Variants in GPR137C observed in about 807,000 individuals in gnomAD.
GPR137C encodes the protein G protein-coupled receptor 137C, also known as integral membrane protein GPR137C.
A neutral mutation model predicts 43.4 loss-of-function variants in GPR137C; 27 were observed. The observed-to-expected ratio is 0.62, with a 90% CI of 0.46 to 0.86. The LOEUF (loss-of-function observed/expected upper bound fraction) is 0.86. Among genes scored for constraint, GPR137C ranks in the 40% least tolerant of loss-of-function variants. The pLI is 0.00. For synonymous variants in GPR137C, 285 were observed against 226.9 expected (o/e 1.26, Z -2.30); for missense variants, 522 against 534.6 (o/e 0.98, Z 0.23).
intron 3 of GPR137C, among the ~76,000 whole-genome samples, chr14:52,604,195 T>A (rs2038958488): frequency 6.6e-6 from 1 of 152,194 alleles, no homozygotes; most frequent in African/African-American, 2.4e-5. Context: ...AAATATTTAC[T>A]CCCATTCTAT....
intron 1 of GPR137C, among the ~76,000 whole-genome samples, chr14:52,591,716 T>C (rs1271053314): frequency 6.6e-6 from 1 of 152,236 alleles, no homozygotes; most frequent in East Asian, 1.9e-4. Flanking sequence ...TTGTAGATTC[T>C]GGATATTAGC....
chr14:52,620,686 A>G (rs1484704526), intron 3 of GPR137C, among the ~76,000 whole-genome samples: 2 of 151,976 alleles, frequency 1.3e-5, no homozygotes, highest in Non-Finnish European at 2.9e-5. Flanking sequence ...GAAGGAAAAT[A>G]CACTTGGATA....
intron 3 of GPR137C, among the ~76,000 whole-genome samples, chr14:52,603,029 A>G (rs1158555038): frequency 6.6e-6 from 1 of 152,182 alleles, no homozygotes; most frequent in African/African-American, 2.4e-5. Context: ...TCCATAATGT[A>G]CTATCAAATA....
chr14:52,593,255 A>T (rs2038807013), intron 1 of GPR137C, among the ~76,000 whole-genome samples: 1 of 151,846 alleles, frequency 6.6e-6, no homozygotes, highest in Non-Finnish European at 1.5e-5. Context: ...GAGTATTTTC[A>T]CATCTATGTT....
chr14:52,594,337 G>A (rs1594795203), intron 1 of GPR137C, among the ~76,000 whole-genome samples: 2 of 152,264 alleles, frequency 1.3e-5, no homozygotes, highest in African/African-American at 4.8e-5. Flanking sequence ...ATGTCTATTA[G>A]GTCTGCTTGG....
chr14:52,577,961 T>C (rs1480000968), intron 1 of GPR137C, among the ~76,000 whole-genome samples: 3 of 151,926 alleles, frequency 2.0e-5, no homozygotes, highest in Non-Finnish European at 2.9e-5. Flanking sequence ...TGAGACCCTG[T>C]CTCAAAAAAA....
rs2038112091 is a variant in GPR137C, at chr14:52,553,225, C to CGGCGG, written c.78_79insGGCGG (p.Ser27GlyfsTer25). On this transcript the variant is annotated frameshift_variant, in exon 1 of 7. Coordinates refer to ENST00000321662, the MANE Select transcript of GPR137C (RefSeq NM_001099652.2). LOFTEE classifies it high-confidence loss of function. ...GCGAGCCCTCCACGCCCGGCGGGGG[C>CGGCGG]AGCGGAGGCGGAGGCGCCGTCGCTG... 1.8e-5 allele frequency: 23 copies of CGGCGG among 1,285,442 alleles called. No homozygotes were observed. The highest frequency in any genetic ancestry group is 5.0e-5 in the South Asian group (2 of 40,344). The allele number at this position is 1,285,442 out of a possible 1,614,324, so 79.6% of individuals were successfully genotyped here.
chr14:52,555,302 T>G (rs763871003), intron 1 of GPR137C, among the ~76,000 whole-genome samples: 3 of 152,156 alleles, frequency 2.0e-5, no homozygotes, highest in Non-Finnish European at 4.4e-5. Flanking sequence ...TCTTTTTACT[T>G]CTTGAGGTAT....
In GPR137C at chr14:52,553,311, T is replaced by C; in HGVS notation, c.164T>C (p.Leu55Pro). ...TTGGCGCTGAGCGTCCTGCACGCCCTGCTCTACGCCGCGCTGTTCGCCTTT... is the reference window on the plus strand; with the variant it reads ...TTGGCGCTGAGCGTCCTGCACGCCCCGCTCTACGCCGCGCTGTTCGCCTTT... Reference protein sequence around the residue: ...VQLALSVLHALLYAALFAFAY... With the variant: ...VQLALSVLHAPLYAALFAFAY... Residue 55 changes from leucine (L) to proline (P), a missense_variant, in exon 1 of 7, where the codon CTG (leucine) becomes CCG (proline). This residue lies in a region of GPR137C where 437 missense variants were observed against 425.7 expected (regional missense o/e 1.03). Transcript: ENST00000321662. 6.4e-7 allele frequency: 1 copy of C among 1,573,094 alleles called. No individual in the cohort carries two copies. The highest frequency in any genetic ancestry group is 1.2e-5 in the South Asian group (1 of 86,668).
intron 3 of GPR137C, among the ~76,000 whole-genome samples, chr14:52,620,272 C>CA (rs778614250): frequency 6.6e-6 from 1 of 151,848 alleles, no homozygotes; most frequent in Non-Finnish European, 1.5e-5. Context: ...TAGAAGAAGA[C>CA]CCATACTCTT....
At chr14:52,603,980 C>A (rs1466345239) in intron 3 of GPR137C, among the ~76,000 whole-genome samples, 1 of 152,030 alleles carries the variant, frequency 6.6e-6, no homozygotes, top group East Asian at 1.9e-4. Flanking sequence ...AGATGATAAC[C>A]CATTGTGGTT....
At chr14:52,554,979 T>C (rs2038170588) in intron 1 of GPR137C, among the ~76,000 whole-genome samples, 1 of 152,070 alleles carries the variant, frequency 6.6e-6, no homozygotes, top group East Asian at 1.9e-4. Context: ...ACAAATCAAA[T>C]GATGCCATAG....
intron 4 of GPR137C, among the ~76,000 whole-genome samples, chr14:52,632,849 A>G (rs1566628306): frequency 6.6e-6 from 1 of 152,086 alleles, no homozygotes; most frequent in Non-Finnish European, 1.5e-5. Context: ...CTAACTACGC[A>G]TATTTAACTT....
At chr14:52,616,113 G>C (rs553264191) in intron 3 of GPR137C, among the ~76,000 whole-genome samples, 15 of 152,082 alleles carry the variant, frequency 9.9e-5, no homozygotes, top group African/African-American at 3.6e-4. Context: ...TAATATTATA[G>C]CAAAAGTCAT....
In GPR137C at chr14:52,581,819, G is replaced by T. The variant is rs116709307; in HGVS notation, c.445-16453G>T. Reference sequence around the variant, plus strand: ...TGCATCAATTTCAAATTTTATATTAGATATGCTCTCCAGTAAAGTTTCTAT... The same window carrying T: ...TGCATCAATTTCAAATTTTATATTATATATGCTCTCCAGTAAAGTTTCTAT... On this transcript the variant is annotated intron_variant, in intron 1 of 6. Transcript: ENST00000321662. Among the ~76,000 whole-genome samples the T allele has an allele frequency of 1.3e-3, 192 of 152,248 alleles. 1 individual carries two copies. The highest frequency in any genetic ancestry group is 4.6e-3 in the African/African-American group (191 of 41,556).
chr14:52,588,982 T>C (rs1594792628), intron 1 of GPR137C, among the ~76,000 whole-genome samples: 1 of 152,214 alleles, frequency 6.6e-6, no homozygotes, highest in South Asian at 2.1e-4. Flanking sequence ...AGAGGCTACC[T>C]AAGTGTCCAT....
intron 3 of GPR137C, among the ~76,000 whole-genome samples, chr14:52,625,946 G>T (rs887701621): frequency 1.3e-5 from 2 of 152,020 alleles, no homozygotes; most frequent in Non-Finnish European, 2.9e-5. Flanking sequence ...TGTATTCACA[G>T]GTCCTACATC....
In GPR137C at chr14:52,596,440, C is replaced by T. The variant is rs187523953; in HGVS notation, c.445-1832C>T. On this transcript the variant is annotated intron_variant, in intron 1 of 6. Transcript: ENST00000321662. ...CCCTGCCCACAGAGGTGGCGTCTAG[C>T]GAGGCGGTAGGCCTTGCTGAGCTGC... Among the ~76,000 whole-genome samples the T allele has an allele frequency of 3.3e-4, 50 of 152,360 alleles. No individual in the cohort carries two copies. In the East Asian group the frequency reaches 7.1e-3, roughly 22 times the overall value.
chr14:52,574,768 T>C (rs1191578733), intron 1 of GPR137C, among the ~76,000 whole-genome samples: 1 of 152,180 alleles, frequency 6.6e-6, no homozygotes, highest in African/African-American at 2.4e-5. Flanking sequence ...CCGTGGGATA[T>C]TCTGTTGCTC....
Sources: allele counts gnomAD v4.1 joint callset (sites outside exome capture counted in the v4.1 genomes callset), GRCh38; gene constraint gnomAD v4.1.1; regional missense constraint gnomAD v4.1.1; transcripts MANE v1.5; gene names NCBI Gene and HGNC (gene_info 2026-07-23, HGNC 2026-07-21).